KIF2A: variants seen among roughly 807,000 people sequenced by gnomAD.
KIF2A encodes the protein kinesin-like protein KIF2A.
KIF2A carries 22 observed loss-of-function variants against 100.2 expected under a neutral mutation model. The observed-to-expected ratio is 0.22, with a 90% CI of 0.16 to 0.31. The LOEUF (loss-of-function observed/expected upper bound fraction) is 0.31. Among genes scored for constraint, KIF2A ranks in the 10% least tolerant of loss-of-function variants. The pLI, the probability that KIF2A is intolerant of heterozygous loss-of-function variation, is 1.00. For missense variants in KIF2A, 495 were observed against 898.7 expected, an observed-to-expected ratio of 0.55 and a Z score of 5.74; for synonymous variants, 268 against 285.9, an observed-to-expected ratio of 0.94 and a Z score of 0.63.
At position 62,373,827 on chromosome 5, in the gene KIF2A, G is replaced by T; in HGVS notation, c.1901G>T (p.Cys634Phe). ...CAGAGAGATGATCTAAAACTTCTTT[G>T]TGAACAAAATGTGAGTGTACTATGG... ...SPQRDDLKLL[C>F]EQNEEEVSPQ... is the part of the protein sequence containing the mutation. Residue 634 changes from cysteine (C) to phenylalanine (F), a missense_variant, in exon 18 of 21, where the codon TGT becomes TTT. This residue lies in a region of KIF2A where 9 missense variants were observed against 45.2 expected (regional missense o/e 0.20). Coordinates refer to ENST00000407818, the MANE Select transcript of KIF2A (RefSeq NM_001098511.3). 6.2e-7 allele frequency: 1 copy of T among 1,610,330 alleles called. No individual in the cohort carries two copies. The highest frequency in any genetic ancestry group is 8.5e-7 in the Non-Finnish European group (1 of 1,176,838).
At chr5:62,311,228 G>A (rs1358390716) in intron 1 of KIF2A, among the ~76,000 whole-genome samples, 2 of 152,178 alleles carry the variant, frequency 1.3e-5, no homozygotes, top group Non-Finnish European at 2.9e-5. Context: ...AACTATGACA[G>A]TAAAGGAGGA....
At chr5:62,356,091 G>A (rs915924140) in intron 7 of KIF2A, among the ~76,000 whole-genome samples, 3 of 152,154 alleles carry the variant, frequency 2.0e-5, no homozygotes, top group South Asian at 2.1e-4. Flanking sequence ...GAGCCACCAC[G>A]CCCAGCCGGG....
rs1554043827 is a variant in KIF2A at position 62,385,464 on chromosome 5, C to T, written c.2150-20C>T. The T allele has an allele frequency of 6.5e-7, 1 of 1,531,410 alleles. No individual in the cohort carries two copies. The highest frequency in any genetic ancestry group is 1.9e-5 in the Admixed American group (1 of 51,556). The allele number at this position is 1,531,410 out of a possible 1,614,324, so 94.9% of individuals were successfully genotyped here. Reference sequence around the variant, plus strand: ...GCGTGTAATACAATACTTATTCCCTCTTTCTTTTCTTTTTCCAAGATAAAG... The same window carrying T: ...GCGTGTAATACAATACTTATTCCCTTTTTCTTTTCTTTTTCCAAGATAAAG... On this transcript the variant is annotated intron_variant, in intron 20 of 20. Coordinates refer to ENST00000407818, the MANE Select transcript of KIF2A (RefSeq NM_001098511.3).
chr5:62,340,204 T>C (rs1351053148), intron 1 of KIF2A, among the ~76,000 whole-genome samples: 12 of 152,190 alleles, frequency 7.9e-5, no homozygotes, highest in African/African-American at 2.9e-4. Flanking sequence ...CCCAAAGTGC[T>C]GGGATTGCAG....
At chr5:62,325,894 A>G (rs965990950) in intron 1 of KIF2A, among the ~76,000 whole-genome samples, 2 of 152,360 alleles carry the variant, frequency 1.3e-5, no homozygotes, top group Non-Finnish European at 1.5e-5. Flanking sequence ...CTGGATGTCC[A>G]TCAGTGGTGA....
In KIF2A at chr5:62,366,473, T is replaced by C. The variant is rs773595996; in HGVS notation, c.1638T>C (p.Tyr546=). 3 of 1,546,450 alleles carry C rather than the reference T, an allele frequency of 1.9e-6. No individual in the cohort carries two copies. The highest frequency in any genetic ancestry group is 1.4e-5 in the African/African-American group (1 of 73,998). Residue 546 remains tyrosine, a synonymous_variant, in exon 16 of 21, where the codon TAT becomes TAC. Transcript: ENST00000407818. ...AAAATACTCTTAATACATTAAGATA[T>C]GCAAATAGGTATGAGAGATAGTTCT... ...SCENTLNTLR[Y]ANRVKEFGIS...
chr5:62,315,440 A>G (rs1745769213), intron 1 of KIF2A, among the ~76,000 whole-genome samples: 1 of 152,164 alleles, frequency 6.6e-6, no homozygotes, highest in Non-Finnish European at 1.5e-5. Flanking sequence ...TATTTTAGTA[A>G]AAGTAGTATC....
chr5:62,312,727 A>G (rs1745614887), intron 1 of KIF2A, among the ~76,000 whole-genome samples: 1 of 152,244 alleles, frequency 6.6e-6, no homozygotes, highest in African/African-American at 2.4e-5. Context: ...GAATTTCACC[A>G]TATTAAACTA....
intron 1 of KIF2A, among the ~76,000 whole-genome samples, chr5:62,313,600 AC>A (rs1745663622): frequency 6.6e-6 from 1 of 151,782 alleles, no homozygotes; most frequent in Admixed American, 6.6e-5. Flanking sequence ...TGGTCCACCC[AC>A]CTCAGCCTCC....
At chr5:62,352,754 A>G (rs1415367697) in intron 5 of KIF2A, 44 bp downstream of exon 5, 30 of 1,543,718 alleles carry the variant, frequency 1.9e-5, no homozygotes, top group Non-Finnish European at 2.4e-5. Flanking sequence ...TTAGGCATAC[A>G]TGTATTCTCT....
chr5:62,347,245 T>A (rs1580055462), intron 2 of KIF2A, 21 bp downstream of exon 2: 1 of 1,279,600 alleles, frequency 7.8e-7, no homozygotes, highest in African/African-American at 1.5e-5. Flanking sequence ...TGAGTTTAAT[T>A]TTATTCCTAG....
At chr5:62,335,503 G>T (rs1184805220) in intron 1 of KIF2A, among the ~76,000 whole-genome samples, 2 of 152,194 alleles carry the variant, frequency 1.3e-5, no homozygotes, top group African/African-American at 4.8e-5. Flanking sequence ...GGTGGCCCTT[G>T]AATTCTGTAC....
chr5:62,325,905 A>G (rs1383109394), intron 1 of KIF2A, among the ~76,000 whole-genome samples: 2 of 152,236 alleles, frequency 1.3e-5, no homozygotes, highest in African/African-American at 4.8e-5. Context: ...TCAGTGGTGA[A>G]CTGGTTAAGC....
At chr5:62,331,503 G>T (rs888195432) in intron 1 of KIF2A, among the ~76,000 whole-genome samples, 1 of 151,998 alleles carries the variant, frequency 6.6e-6, no homozygotes, top group Non-Finnish European at 1.5e-5. Flanking sequence ...CAGGATAATT[G>T]TTTGTTGAAC....
Position 62,381,250 on chromosome 5 carries a change from C to A in KIF2A, c.2146C>A (p.Arg716=), listed in dbSNP as rs771712968. The change falls in exon 20 of 21, where the codon CGG becomes AGG. Residue 716 remains arginine (R), a synonymous_variant. Transcript: ENST00000407818. ...EQKIDILTEL[R]DKVKSFRAAL... is the part of the protein sequence containing the mutation. ...AAAAATAGACATTTTAACTGAACTGCGGGGTAATTCTTTTTCCATTTTAAT... is the reference window on the plus strand; with the variant it reads ...AAAAATAGACATTTTAACTGAACTGAGGGGTAATTCTTTTTCCATTTTAAT... The A allele has an allele frequency of 2.5e-6, 4 of 1,611,384 alleles. No individual in the cohort carries two copies. In the South Asian group the frequency reaches 4.4e-5, roughly 18 times the overall value.
chr5:62,312,481 C>G (rs56245568), intron 1 of KIF2A, among the ~76,000 whole-genome samples: 3,856 of 152,262 alleles, frequency 0.025, 75 homozygotes, highest in Non-Finnish European at 0.037. Context: ...CAGCCATCTG[C>G]TTTAATTTTA....
At chr5:62,336,690 T>G (rs1746970102) in intron 1 of KIF2A, among the ~76,000 whole-genome samples, 1 of 152,056 alleles carries the variant, frequency 6.6e-6, no homozygotes. Flanking sequence ...GAAAATAGAA[T>G]AAGGATGGTG....
chr5:62,374,856 G>A (rs1265542181), intron 18 of KIF2A, among the ~76,000 whole-genome samples: 1 of 152,122 alleles, frequency 6.6e-6, no homozygotes, highest in East Asian at 1.9e-4. Flanking sequence ...GAAACTGGGA[G>A]GTGGAGGTTG....
At chr5:62,372,671 T>C (rs1741376914) in intron 17 of KIF2A, 120 bp downstream of exon 17, 5 of 598,704 alleles carry the variant, frequency 8.4e-6, no homozygotes, top group Middle Eastern at 3.9e-4. Context: ...TGTCATTTCA[T>C]TTGGCAGGTG....
Sources: gnomAD v4.1 joint callset for allele counts (sites outside exome capture counted in the v4.1 genomes callset) on GRCh38, gnomAD v4.1.1 for gene constraint, gnomAD v4.1.1 regional missense constraint, MANE v1.5 for transcripts, NCBI Gene and HGNC (gene_info 2026-07-23, HGNC 2026-07-21) for gene names.